The following NALCN variants were observed in gnomAD, a reference collection of about 807,000 sequenced individuals.
NALCN encodes the protein sodium leak channel NALCN.
In NALCN, 111 loss-of-function variants were observed where a neutral mutation model predicts 225.3. The observed-to-expected ratio is 0.49, with a 90% CI of 0.42 to 0.58. The LOEUF is 0.58. Ranked by LOEUF, NALCN falls within the 20% of genes least tolerant of loss-of-function variation. The pLI, the probability that NALCN is intolerant of heterozygous loss-of-function variation, is 0.00. For missense variants in NALCN, 1,378 were observed against 2,202.4 expected (o/e 0.63, Z 7.49); for synonymous variants, 764 against 769.0 (o/e 0.99, Z 0.11).
intron 18 of NALCN, among the ~76,000 whole-genome samples, chr13:101,114,556 C>T (rs550547858): frequency 5.4e-4 from 82 of 152,048 alleles, no homozygotes; most frequent in African/African-American, 1.8e-3. Flanking sequence ...TCCAGCAAAC[C>T]GGATGGAACT....
intron 17 of NALCN, among the ~76,000 whole-genome samples, chr13:101,136,771 G>A (rs933981756): frequency 2.0e-5 from 3 of 152,192 alleles, no homozygotes; most frequent in Middle Eastern, 3.2e-3. Context: ...ACATACATGT[G>A]CATGTGTCTT....
At position 101,376,991 on chromosome 13, in the gene NALCN, T is replaced by C. The variant is rs997838477; in HGVS notation, c.441A>G (p.Pro147=). 4 of 1,614,076 alleles carry C rather than the reference T, an allele frequency of 2.5e-6. No homozygotes were observed. Among genetic ancestry groups the C allele is most frequent in the African/African-American group, 1.3e-5 (1 of 74,934 alleles). Residue 147 remains proline (P), a synonymous_variant, in exon 5 of 44, where the codon CCA becomes CCG. Coordinates refer to ENST00000251127, the MANE Select transcript of NALCN (RefSeq NM_052867.4). ...SPWGMLRIPR[P]LIMIRAFRIY... is the part of the protein sequence containing the mutation. ...TCCGGAATGCTCGGATCATAATCAG[T>C]GGCCGTGGAATCCGCAACATGCCCC...
At chr13:101,081,456 G>A in intron 34 of NALCN, 71 bp downstream of exon 34, 1 of 1,599,264 alleles carries the variant, frequency 6.3e-7, no homozygotes, top group South Asian at 1.1e-5. Flanking sequence ...AAATGAGACT[G>A]GAAACAGGAC....
At position 101,258,604 on chromosome 13, in the gene NALCN, C is replaced by A. The variant is rs746177205; in HGVS notation, c.1135-30G>T. The A allele has an allele frequency of 1.9e-6, 3 of 1,613,722 alleles. 1 individual carries two copies. The South Asian group carries it at 3.3e-5, about 18-fold the overall frequency. On this transcript the variant is annotated intron_variant, in intron 10 of 43. Transcript: ENST00000251127. Reference sequence around the variant, plus strand: ...GGGGGCGAAACAGACAGACTCTTAACAAAGAAATAAACCTCATGATTAAGT... The same window carrying A: ...GGGGGCGAAACAGACAGACTCTTAAAAAAGAAATAAACCTCATGATTAAGT...
chr13:101,189,949 T>C (rs1291741090), intron 14 of NALCN, among the ~76,000 whole-genome samples: 2 of 152,176 alleles, frequency 1.3e-5, no homozygotes. Flanking sequence ...AAGTGATCTA[T>C]AACCAATGCC....
At chr13:101,106,395 A>G (rs1357932801) in intron 22 of NALCN, among the ~76,000 whole-genome samples, 1 of 152,216 alleles carries the variant, frequency 6.6e-6, no homozygotes, top group African/African-American at 2.4e-5. Context: ...AATTAATAAC[A>G]AAGAAATCAA....
intron 1 of NALCN, among the ~76,000 whole-genome samples, chr13:101,401,398 T>C (rs899698540): frequency 6.6e-6 from 1 of 152,136 alleles, no homozygotes; most frequent in Non-Finnish European, 1.5e-5. Flanking sequence ...TGAGTGTAGA[T>C]ACAATCTTTT....
intron 15 of NALCN, among the ~76,000 whole-genome samples, chr13:101,164,018 T>C (rs2038319675): frequency 6.6e-6 from 1 of 152,074 alleles, no homozygotes; most frequent in African/African-American, 2.4e-5. Context: ...TGTGTCTGTG[T>C]CTCTTCTCTT....
chr13:101,153,757 C>G (rs1034020748), intron 15 of NALCN, among the ~76,000 whole-genome samples: 27 of 152,306 alleles, frequency 1.8e-4, no homozygotes, highest in Non-Finnish European at 3.4e-4. Flanking sequence ...AACTGGCTTT[C>G]TGTCTTAGTT....
chr13:101,304,375 A>AGGGG (rs1278011917), intron 7 of NALCN, among the ~76,000 whole-genome samples: 47 of 152,120 alleles, frequency 3.1e-4, no homozygotes, highest in Admixed American at 3.1e-3. Flanking sequence ...CCCATCATCT[A>AGGGG]GGTTTTAAGC....
intron 27 of NALCN, among the ~76,000 whole-genome samples, chr13:101,098,489 CATATCT>C (rs1248944908): frequency 6.6e-6 from 1 of 152,136 alleles, no homozygotes; most frequent in African/African-American, 2.4e-5. Flanking sequence ...TCCTAGGCTC[CATATCT>C]ATATCTATAT....
chr13:101,377,103 T>G (rs146795687), intron 4 of NALCN, 47 bp from the exon 5 acceptor site: 5 of 1,611,670 alleles, frequency 3.1e-6, no homozygotes, highest in East Asian at 4.5e-5. Flanking sequence ...TCCCTTAGCA[T>G]TGCTTATAGT....
At chr13:101,239,361 G>A (rs1270948967) in intron 11 of NALCN, among the ~76,000 whole-genome samples, 1 of 151,754 alleles carries the variant, frequency 6.6e-6, no homozygotes, top group Non-Finnish European at 1.5e-5. Flanking sequence ...AATGTGACAG[G>A]TATTTACTCT....
intron 37 of NALCN, among the ~76,000 whole-genome samples, chr13:101,071,762 T>A (rs999514636): frequency 7.2e-5 from 11 of 152,232 alleles, no homozygotes; most frequent in African/African-American, 2.2e-4. Flanking sequence ...AATTTACAAC[T>A]TGAGTAACTA....
intron 10 of NALCN, among the ~76,000 whole-genome samples, chr13:101,272,928 A>T (rs1052020316): frequency 1.3e-5 from 2 of 152,170 alleles, no homozygotes. Flanking sequence ...TTCAATGGAA[A>T]TGTTTTCAAA....
chr13:101,314,172 GA>G (rs1424782953), intron 7 of NALCN, among the ~76,000 whole-genome samples: 1 of 102,670 alleles, frequency 9.7e-6, no homozygotes, highest in African/African-American at 3.8e-5. Context: ...GGGGTGGGGG[GA>G]GGGGGGAGGG....
chr13:101,345,373 G>A lies in NALCN; in HGVS notation c.692C>T (p.Pro231Leu), dbSNP rs76766047. Residue 231 changes from proline (P) to leucine (L), a missense_variant, in exon 7 of 44, where the codon CCA (proline) becomes CTA (leucine). Pro to Leu is a moderately conservative substitution (Grantham distance 98). Around this residue, in one of 19 missense-constraint regions of NALCN, gnomAD observed 67 missense variants for 82.1 expected, o/e 0.82. Coordinates refer to ENST00000251127, the MANE Select transcript of NALCN (RefSeq NM_052867.4). The part of the protein sequence containing the change: ...SLAIPDTHCS[P>L]ELEEGYQCPP... ...GCACTGGTAGCCTTCTTCTAGCTCT[G>A]GTGAGCAGTGTGTGTCTGGAATAGC... 6.2e-7 allele frequency: 1 copy of A among 1,613,596 alleles called. No homozygotes were observed. Among genetic ancestry groups the A allele is most frequent in the African/African-American group, 1.3e-5 (1 of 74,868 alleles).
intron 10 of NALCN, among the ~76,000 whole-genome samples, chr13:101,275,196 CT>C (rs1349069715): frequency 6.6e-6 from 1 of 152,116 alleles, no homozygotes; most frequent in Non-Finnish European, 1.5e-5. Context: ...CTCGTTAGGG[CT>C]TTTGATTGGG....
chr13:101,231,955 C>T (rs1019970993), intron 12 of NALCN, among the ~76,000 whole-genome samples: 2 of 151,734 alleles, frequency 1.3e-5, no homozygotes, highest in African/African-American at 4.8e-5. Context: ...GAGTCATCCT[C>T]AGGGCTTTTG....
Sources: gnomAD v4.1 joint callset for allele counts (sites outside exome capture counted in the v4.1 genomes callset) on GRCh38, gnomAD v4.1.1 for gene constraint, gnomAD v4.1.1 regional missense constraint, MANE v1.5 for transcripts, NCBI Gene and HGNC (gene_info 2026-07-23, HGNC 2026-07-21) for gene names.